Variants in S1PR2 observed in about 807,000 individuals in gnomAD.
S1PR2 encodes the protein sphingosine 1-phosphate receptor 2.
In S1PR2, 9 loss-of-function variants were observed where a neutral mutation model predicts 16.1. The observed-to-expected ratio is 0.56, with a 90% CI of 0.34 to 0.98. The LOEUF is 0.98. Among genes scored for constraint, S1PR2 ranks in the 50% least tolerant of loss-of-function variants. The pLI, the probability that S1PR2 is intolerant of heterozygous loss-of-function variation, is 0.02. For missense variants in S1PR2, 361 were observed against 488.4 expected, an observed-to-expected ratio of 0.74 and a Z score of 2.46; for synonymous variants, 224 against 233.9, an observed-to-expected ratio of 0.96 and a Z score of 0.38.
chr19:10,225,020 T>A, intron 1 of S1PR2, 73 bp from the exon 2 acceptor site: 6 of 776,754 alleles, frequency 7.7e-6, no homozygotes, highest in Non-Finnish European at 1.2e-5. Context: ...TGGCCTCGGA[T>A]GGGCTGAGAT....
In S1PR2 at chr19:10,224,761, C is replaced by T; in HGVS notation, c.145G>A (p.Val49Met). Residue 49 changes from valine to methionine, a missense_variant, in exon 2 of 2, where the codon GTG becomes ATG. By Grantham distance (21) the Val-to-Met change is conservative. Coordinates refer to ENST00000646641, the MANE Select transcript of S1PR2 (RefSeq NM_004230.4). ...FIVILCCAIV[V>M]ENLLVLIAVA... ...GCAATGAGCACCAGAAGGTTTTCCA[C>T]CACAATGGCGCAACAGAGGATGACG... is the stretch of plus-strand genomic sequence containing the variant. 1 of 1,614,266 alleles carries T rather than the reference C, an allele frequency of 6.2e-7. No individual in the cohort carries two copies. The highest frequency in any genetic ancestry group is 8.5e-7 in the Non-Finnish European group (1 of 1,180,046).
intron 1 of S1PR2, among the ~76,000 whole-genome samples, chr19:10,227,932 G>T (rs1014468854): frequency 6.6e-6 from 1 of 152,034 alleles, no homozygotes; most frequent in African/African-American, 2.4e-5. Flanking sequence ...TCCAGGCCTG[G>T]GGAGCACGCT....
In S1PR2 at chr19:10,224,936, G is replaced by A; in HGVS notation, c.-31C>T. The stretch of plus-strand genomic sequence containing the variant: ...GGCTCAGAGGCCTGCTGGGGCCATG[G>A]GGCTTTCAGAACTGCAGAGAAGACA... On this transcript the variant is annotated 5_prime_UTR_variant, in exon 2 of 2. Coordinates refer to ENST00000646641, the MANE Select transcript of S1PR2 (RefSeq NM_004230.4). 1 of 1,559,710 alleles carries A rather than the reference G, an allele frequency of 6.4e-7. No individual in the cohort carries two copies. Among genetic ancestry groups the A allele is most frequent in the Non-Finnish European group, 8.7e-7 (1 of 1,148,190 alleles).
Position 10,224,638 on chromosome 19 carries a change from T to TA in S1PR2, c.267dup (p.Thr90TyrfsTer40). ...AGCGTGACAGAGCCAGAGAGCAAGG[T>TA]ATTGGCTACGAAGGCCACGCCTGCC... On this transcript the variant is annotated frameshift_variant, in exon 2 of 2. Coordinates refer to ENST00000646641, the MANE Select transcript of S1PR2 (RefSeq NM_004230.4). LOFTEE classifies it high-confidence loss of function. 3.7e-6 allele frequency: 6 copies of TA among 1,613,988 alleles called. No homozygotes were observed. Among genetic ancestry groups the TA allele is most frequent in the Non-Finnish European group, 5.1e-6 (6 of 1,180,036 alleles).
chr19:10,224,362 C>G lies in S1PR2; in HGVS notation c.544G>C (p.Val182Leu). The part of the protein sequence containing the change: ...CLGHLEACST[V>L]LPLYAKHYVL... ...TAATGCTTGGCGTAGAGAGGCAGGA[C>G]AGTGGAGCAGGCCTCGAGGTGGCCC... is the stretch of plus-strand genomic sequence containing the variant. Residue 182 changes from valine (V) to leucine (L), a missense_variant, in exon 2 of 2, where the codon GTC becomes CTC. Transcript: ENST00000646641. 6.2e-7 allele frequency: 1 copy of G among 1,614,024 alleles called. No individual in the cohort carries two copies. The highest frequency in any genetic ancestry group is 8.5e-7 in the Non-Finnish European group (1 of 1,180,052).
At chr19:10,228,089 T>C (rs1286103487) in intron 1 of S1PR2, among the ~76,000 whole-genome samples, 1 of 140,376 alleles carries the variant, frequency 7.1e-6, no homozygotes, top group Non-Finnish European at 1.5e-5. Context: ...TCACCTGAGA[T>C]CATGAGTTCA....
chr19:10,227,802 C>T (rs1048224441), intron 1 of S1PR2, among the ~76,000 whole-genome samples: 3 of 152,084 alleles, frequency 2.0e-5, no homozygotes, highest in Non-Finnish European at 1.5e-5. Flanking sequence ...GCTATGTGGA[C>T]GTCCCTAGGG....
At chr19:10,228,138 CAA>C (rs141807915) in intron 1 of S1PR2, among the ~76,000 whole-genome samples, 9,510 of 97,692 alleles carry the variant, frequency 0.097, 1,093 homozygotes, top group African/African-American at 0.3. Context: ...CCCCTCTACT[CAA>C]AAAAAAAAAA....
chr19:10,228,963 G>A (rs2039652660), intron 1 of S1PR2, among the ~76,000 whole-genome samples: 1 of 152,044 alleles, frequency 6.6e-6, no homozygotes, highest in Non-Finnish European at 1.5e-5. Context: ...TGTGGTTACA[G>A]TTCCCCCTGG....
chr19:10,223,993 A>G lies in S1PR2; in HGVS notation c.913T>C (p.Cys305Arg). Residue 305 changes from cysteine to arginine, a missense_variant, in exon 2 of 2, where the codon TGC becomes CGC. Cys to Arg is a radical substitution (Grantham distance 180). Transcript: ENST00000646641. ...LRREVLRPLQ[C>R]WRPGVGVQGR... Reference sequence around the variant, plus strand: ...TGCACCCCCACCCCCGGCCTCCAGCACTGCAGCGGCCGAAGCACCTCCCGC... The same window carrying G: ...TGCACCCCCACCCCCGGCCTCCAGCGCTGCAGCGGCCGAAGCACCTCCCGC... 6.2e-7 allele frequency: 1 copy of G among 1,611,332 alleles called. No homozygotes were observed. Among genetic ancestry groups the G allele is most frequent in the East Asian group, 2.2e-5 (1 of 44,854 alleles).
In S1PR2 at chr19:10,224,530, T is replaced by C; in HGVS notation, c.376A>G (p.Ile126Val). The part of the protein sequence containing the change: ...LSASVFSLLA[I>V]AIERHVAIAK... ...ATGGCCACGTGGCGCTCAATGGCGA[T>C]GGCCAGGAGGCTGAAGACAGAGGCC... Residue 126 changes from isoleucine (I) to valine (V), a missense_variant, in exon 2 of 2, where the codon ATC (isoleucine) becomes GTC (valine). Transcript: ENST00000646641. 1 of 1,613,830 alleles carries C rather than the reference T, an allele frequency of 6.2e-7. No individual in the cohort carries two copies. Among genetic ancestry groups the C allele is most frequent in the Non-Finnish European group, 8.5e-7 (1 of 1,180,046 alleles).
chr19:10,228,340 T>C (rs557155321), intron 1 of S1PR2, among the ~76,000 whole-genome samples: 7 of 151,526 alleles, frequency 4.6e-5, no homozygotes, highest in African/African-American at 1.7e-4. Flanking sequence ...CAAAACAAAA[T>C]GAAATGTGTT....
At position 10,221,538 on chromosome 19, in the gene S1PR2, C is replaced by T. The variant is rs937587904; in HGVS notation, c.*2306G>A. The T allele has an allele frequency of 3.3e-5, 5 of 152,242 alleles. No homozygotes were observed. The highest frequency in any genetic ancestry group is 1.9e-4 in the East Asian group (1 of 5,268). The allele number at this position is 152,242 out of a possible 1,614,324, so 9.4% of individuals were successfully genotyped here. ...AACAAGCCCCTGACTGGCTCCTTGC[C>T]CCCCAAAGACCCGCTCCCCCAGGCT... On this transcript the variant is annotated 3_prime_UTR_variant, in exon 2 of 2. Transcript: ENST00000646641.
In S1PR2 at chr19:10,223,782, TCA is replaced by T; in HGVS notation, c.*60_*61del. 1 of 1,430,412 alleles carries T rather than the reference TCA, an allele frequency of 7.0e-7. No homozygotes were observed. Among genetic ancestry groups the T allele is most frequent in the Non-Finnish European group, 9.4e-7 (1 of 1,061,320 alleles). The allele number at this position is 1,430,412 out of a possible 1,614,324, so 88.6% of individuals were successfully genotyped here. ...AGTAGCCCCAAGTCTCTATCTGGGG[TCA>T]CCCAGTGGCCTCTCCATGAACCCCT... On this transcript the variant is annotated 3_prime_UTR_variant, in exon 2 of 2. Coordinates refer to ENST00000646641, the MANE Select transcript of S1PR2 (RefSeq NM_004230.4).
Position 10,223,516 on chromosome 19 carries a change from G to T in S1PR2, c.*328C>A. 2 of 328,742 alleles carry T rather than the reference G, an allele frequency of 6.1e-6. No individual in the cohort carries two copies. The highest frequency in any genetic ancestry group is 1.1e-5 in the Non-Finnish European group (2 of 180,102). The allele number at this position is 328,742 out of a possible 1,614,324, so 20.4% of individuals were successfully genotyped here. On this transcript the variant is annotated 3_prime_UTR_variant, in exon 2 of 2. Coordinates refer to ENST00000646641, the MANE Select transcript of S1PR2 (RefSeq NM_004230.4). ...AAAAAAAAAATCCTTTGTACCAGGT[G>T]GTAAAGTGCTCCTGCCCTGAGCTCC...
At chr19:10,229,892 C>G (rs2039659270) in intron 1 of S1PR2, among the ~76,000 whole-genome samples, 1 of 152,110 alleles carries the variant, frequency 6.6e-6, no homozygotes, top group Admixed American at 6.6e-5. Flanking sequence ...ACAGTCAATG[C>G]CTAAGGCCAG....
At position 10,224,164 on chromosome 19, in the gene S1PR2, G is replaced by A. The variant is rs771414562; in HGVS notation, c.742C>T (p.Pro248Ser). The A allele has an allele frequency of 4.4e-6, 7 of 1,607,420 alleles. No individual in the cohort carries two copies. Among genetic ancestry groups the A allele is most frequent in the Non-Finnish European group, 5.9e-6 (7 of 1,180,006 alleles). Reference protein sequence around the residue: ...VLGVFIVCWLPAFSILLLDYA... With the variant: ...VLGVFIVCWLSAFSILLLDYA... ...TCCAGAAGGAGGATGCTGAAGGCGG[G>A]CAGCCAGCAGACGATAAAGACGCCT... The change falls in exon 2 of 2, where the codon CCC (proline) becomes TCC (serine). Residue 248 changes from proline (P) to serine (S), a missense_variant. Pro to Ser is a moderately conservative substitution (Grantham distance 74). Transcript: ENST00000646641.
intron 1 of S1PR2, among the ~76,000 whole-genome samples, chr19:10,225,813 G>A (rs948424103): frequency 3.3e-5 from 5 of 151,840 alleles, no homozygotes; most frequent in Non-Finnish European, 7.4e-5. Flanking sequence ...GAGATTACAG[G>A]TATGAACCAT....
At position 10,224,891 on chromosome 19, in the gene S1PR2, G is replaced by A; in HGVS notation, c.15C>T (p.Tyr5=). ...CCTTGTTGGGGTTCAGGTACTCCGAGTACAAGCTGCCCATGGTGGGGCTCA... is the reference window on the plus strand; with the variant it reads ...CCTTGTTGGGGTTCAGGTACTCCGAATACAAGCTGCCCATGGTGGGGCTCA... MGSL[Y]SEYLNPNKVQ... The change falls in exon 2 of 2, where the codon TAC becomes TAT. Residue 5 remains tyrosine (Y), a synonymous_variant. Transcript: ENST00000646641. 1 of 1,609,498 alleles carries A rather than the reference G, an allele frequency of 6.2e-7. No homozygotes were observed. The highest frequency in any genetic ancestry group is 8.5e-7 in the Non-Finnish European group (1 of 1,179,112).
Sources: allele counts gnomAD v4.1 joint callset (sites outside exome capture counted in the v4.1 genomes callset), GRCh38; gene constraint gnomAD v4.1.1; transcripts MANE v1.5; gene names NCBI Gene and HGNC (gene_info 2026-07-23, HGNC 2026-07-21).